The following ZNF124 variants were observed in gnomAD, a reference collection of about 807,000 sequenced individuals.
The protein encoded by ZNF124 is zinc finger protein 124.
ZNF124 carries 25 observed loss-of-function variants against 26.6 expected under a neutral mutation model. The ratio of observed to expected loss-of-function variants is 0.94; its 90% CI spans 0.68 to 1.31. The LOEUF (loss-of-function observed/expected upper bound fraction) is 1.31. ZNF124 is among the 40% of genes most tolerant of loss of function. The probability of loss-of-function intolerance (pLI) is 0.00; values close to 1 mark genes in which losing one functional copy is unlikely to be tolerated. For synonymous variants in ZNF124, 129 were observed against 133.3 expected, an observed-to-expected ratio of 0.97 and a Z score of 0.22; for missense variants, 444 against 422.2, an observed-to-expected ratio of 1.05 and a Z score of -0.45.
rs532646788 is a variant in ZNF124 at position 247,155,854 on chromosome 1, C to G, written c.*712G>C. 27 of 776,246 alleles carry G rather than the reference C, an allele frequency of 3.5e-5. No homozygotes were observed. Among genetic ancestry groups the G allele is most frequent in the South Asian group, 6.2e-5 (1 of 16,038 alleles). The allele number at this position is 776,246 out of a possible 1,614,324, so 48.1% of individuals were successfully genotyped here. A position where few individuals can be genotyped will look rare whatever the true frequency, so the allele number is the denominator to read the frequency against. On this transcript the variant is annotated 3_prime_UTR_variant, in exon 4 of 4. Transcript: ENST00000543802. Reference sequence around the variant, plus strand: ...CCAGCCTGGGCGACAAAGTGAGACTCCATCTCAAAAAAAAAAAAAAAAGTC... The same window carrying G: ...CCAGCCTGGGCGACAAAGTGAGACTGCATCTCAAAAAAAAAAAAAAAAGTC...
At chr1:247,137,379 C>T (rs1315520302) in intron 3 of ZNF124, among the ~76,000 whole-genome samples, 6 of 145,254 alleles carry the variant, frequency 4.1e-5, no homozygotes, top group East Asian at 2.0e-4. Context: ...TGCAGTGGCT[C>T]GTGCCTGTAA....
At chr1:247,146,539 T>G (rs1262235595) in intron 3 of ZNF124, among the ~76,000 whole-genome samples, 1 of 152,140 alleles carries the variant, frequency 6.6e-6, no homozygotes, top group East Asian at 1.9e-4. Context: ...TGGCTATGAG[T>G]CAGACACCCC....
rs1673156625 is a variant in ZNF124 at position 247,156,740 on chromosome 1, A to G, written c.882T>C (p.Asn294=). The part of the protein sequence containing the change: ...HIAQKPYVCN[N]CGKGFRCSSS... Reference sequence around the variant, plus strand: ...TGGAACATCTGAAGCCTTTACCACAATTGTTACATACATAGGGTTTCTGTG... The same window carrying G: ...TGGAACATCTGAAGCCTTTACCACAGTTGTTACATACATAGGGTTTCTGTG... The change falls in exon 4 of 4, where the codon AAT becomes AAC. Residue 294 remains asparagine (N), a synonymous_variant. Transcript: ENST00000543802. 2.5e-6 allele frequency: 4 copies of G among 1,608,020 alleles called. No individual in the cohort carries two copies. The highest frequency in any genetic ancestry group is 1.7e-5 in the Admixed American group (1 of 59,138).
chr1:247,144,365 A>G (rs1433277470), intron 3 of ZNF124, among the ~76,000 whole-genome samples: 6 of 152,144 alleles, frequency 3.9e-5, no homozygotes, highest in Non-Finnish European at 7.4e-5. Flanking sequence ...ACTCAACCAC[A>G]ACTAAGTTGG....
intron 3 of ZNF124, among the ~76,000 whole-genome samples, chr1:247,143,472 G>T (rs1225983110): frequency 2.6e-5 from 4 of 152,036 alleles, no homozygotes; most frequent in Non-Finnish European, 4.4e-5. Context: ...CAGAAATCCT[G>T]CCCTCTCTTA....
chr1:247,165,359 T>G (rs188326538), intron 1 of ZNF124, among the ~76,000 whole-genome samples: 1 of 152,178 alleles, frequency 6.6e-6, no homozygotes, highest in Non-Finnish European at 1.5e-5. Flanking sequence ...GCTAGCCACA[T>G]GCAGAAGATT....
At chr1:247,138,619 CTAATT>C in intron 3 of ZNF124, 1 of 396,668 alleles carries the variant, frequency 2.5e-6, no homozygotes, top group Non-Finnish European at 4.4e-6. Context: ...AAATTCTGGA[CTAATT>C]TAAAATGAAC....
At chr1:247,131,891 C>T (rs1470665798) in intron 3 of ZNF124, among the ~76,000 whole-genome samples, 6 of 152,108 alleles carry the variant, frequency 3.9e-5, no homozygotes. Context: ...GAGTGGGTTT[C>T]CCCCCAGTGA....
At position 247,162,499 on chromosome 1, in the gene ZNF124, G is replaced by A. The variant is rs545937609; in HGVS notation, c.31-2686C>T. 2.0e-5 allele frequency among the ~76,000 whole-genome samples: 3 copies of A among 151,816 alleles called. No homozygotes were observed. The East Asian group carries it at 5.8e-4, about 29-fold the overall frequency. ...ATAGCCTAGGTGTGTGGTATATTAT[G>A]CCATCTAGGTTTGCGTAAGTACACG... is the stretch of plus-strand genomic sequence containing the variant. On this transcript the variant is annotated intron_variant, in intron 1 of 3. Transcript: ENST00000543802.
intron 3 of ZNF124, among the ~76,000 whole-genome samples, chr1:247,136,928 CAG>C (rs1213816816): frequency 1.3e-5 from 2 of 149,248 alleles, no homozygotes; most frequent in African/African-American, 5.0e-5. Flanking sequence ...GCCTGGGCAA[CAG>C]AGTCAGACCC....
chr1:247,145,547 C>T (rs951108227), intron 3 of ZNF124, among the ~76,000 whole-genome samples: 1 of 152,068 alleles, frequency 6.6e-6, no homozygotes, highest in African/African-American at 2.4e-5. Context: ...CAGTGCTGCC[C>T]TCAGCATTAG....
intron 3 of ZNF124, among the ~76,000 whole-genome samples, chr1:247,158,286 T>G (rs549618158): frequency 6.6e-4 from 100 of 151,980 alleles, no homozygotes; most frequent in Middle Eastern, 3.4e-3. Flanking sequence ...CCCCAAAAAC[T>G]TTGGCACTTC....
chr1:247,128,922 GACATT>G (rs1224090999), intron 3 of ZNF124, among the ~76,000 whole-genome samples: 5 of 129,738 alleles, frequency 3.9e-5, no homozygotes, highest in Admixed American at 8.0e-5. Context: ...AGGGAGGGTG[GACATT>G]GAGTACTTCC....
chr1:247,144,436 G>A, intron 3 of ZNF124, among the ~76,000 whole-genome samples: 1 of 152,192 alleles, frequency 6.6e-6, no homozygotes, highest in South Asian at 2.1e-4. Context: ...TAGGCTTGGG[G>A]CAGTTAGGGG....
intron 1 of ZNF124, among the ~76,000 whole-genome samples, chr1:247,163,455 C>A (rs1673606240): frequency 6.7e-6 from 1 of 150,114 alleles, no homozygotes; most frequent in East Asian, 1.9e-4. Flanking sequence ...GGTATTACCA[C>A]CAGACTCACA....
intron 3 of ZNF124, among the ~76,000 whole-genome samples, chr1:247,124,242 C>T (rs868048011): frequency 6.7e-5 from 10 of 150,338 alleles, no homozygotes; most frequent in Middle Eastern, 3.2e-3. Flanking sequence ...CTCGCTCTGT[C>T]GCCCAGGCTG....
intron 1 of ZNF124, among the ~76,000 whole-genome samples, chr1:247,164,404 A>G (rs182973101): frequency 6.6e-6 from 1 of 152,250 alleles, no homozygotes; most frequent in Non-Finnish European, 1.5e-5. Context: ...ACTTTAGCAC[A>G]GTTTCAGGAC....
At chr1:247,133,173 T>C (rs1259092908) in intron 3 of ZNF124, among the ~76,000 whole-genome samples, 1 of 151,750 alleles carries the variant, frequency 6.6e-6, no homozygotes, top group Non-Finnish European at 1.5e-5. Flanking sequence ...ACCACCTTAC[T>C]GAAATAAGAC....
At chr1:247,127,685 G>A (rs972321321) in intron 3 of ZNF124, among the ~76,000 whole-genome samples, 7 of 148,518 alleles carry the variant, frequency 4.7e-5, no homozygotes, top group African/African-American at 1.2e-4. Context: ...TCTGATTGCC[G>A]GTGCATGCAG....
Sources: allele counts gnomAD v4.1 joint callset (sites outside exome capture counted in the v4.1 genomes callset), GRCh38; gene constraint gnomAD v4.1.1; transcripts MANE v1.5; gene names NCBI Gene and HGNC (gene_info 2026-07-23, HGNC 2026-07-21).